NAALADL2: variants seen among roughly 807,000 people sequenced by gnomAD.
NAALADL2 encodes the protein inactive N-acetylated-alpha-linked acidic dipeptidase-like protein 2.
Under a neutral mutation model 87.2 loss-of-function variants are expected in NAALADL2, and 76 were observed. The ratio of observed to expected loss-of-function variants is 0.87; its 90% CI spans 0.72 to 1.05. The LOEUF (loss-of-function observed/expected upper bound fraction) is 1.05, where lower values mean the gene tolerates loss of function less well. Ranked by LOEUF, NAALADL2 falls within the 50% of genes least tolerant of loss-of-function variation. NAALADL2 has a pLI of 0.00. For synonymous variants in NAALADL2, 354 were observed against 331.0 expected (o/e 1.07, Z -0.75); for missense variants, 1,089 against 945.8 (o/e 1.15, Z -1.99).
chr3:175,267,657 G>A (rs559862337), intron 4 of NAALADL2, among the ~76,000 whole-genome samples: 1 of 152,240 alleles, frequency 6.6e-6, no homozygotes, highest in South Asian at 2.1e-4. Context: ...GGGGCAAAAA[G>A]AGGTACCTAG....
chr3:174,515,065 G>A (rs1719859116), intron 1 of NAALADL2, among the ~76,000 whole-genome samples: 2 of 152,108 alleles, frequency 1.3e-5, no homozygotes, highest in South Asian at 4.1e-4. Context: ...TTCTGAGGGA[G>A]CAATTATAGT....
At chr3:175,055,696 GC>G (rs1553761180) in intron 1 of NAALADL2, among the ~76,000 whole-genome samples, 4 of 152,158 alleles carry the variant, frequency 2.6e-5, no homozygotes, top group Non-Finnish European at 5.9e-5. Context: ...CATATTTCAG[GC>G]TCAGCGGTTT....
In NAALADL2 at chr3:175,558,194, C is replaced by CA. The variant is rs71164638; in HGVS notation, c.1654-17824dup. Among the ~76,000 whole-genome samples the CA allele has an allele frequency of 4.1e-3, 337 of 82,362 alleles. 2 individuals are homozygous for CA. The highest frequency in any genetic ancestry group is 0.012 in the African/African-American group (259 of 21,496). The allele number at this position is 82,362 out of a possible 152,430, so 54.0% of individuals were successfully genotyped here. On this transcript the variant is annotated intron_variant, in intron 9 of 13. Coordinates refer to ENST00000454872, the MANE Select transcript of NAALADL2 (RefSeq NM_207015.3). ...TGGGCAACACAGCAAGACCCCGTCTCAAAAAAAAAAAAAAAAAAAAAAAGA... is the reference window on the plus strand; with the variant it reads ...TGGGCAACACAGCAAGACCCCGTCTCAAAAAAAAAAAAAAAAAAAAAAAAGA...
intron 3 of NAALADL2, among the ~76,000 whole-genome samples, chr3:174,801,663 T>G (rs1318564325): frequency 6.6e-6 from 1 of 152,174 alleles, no homozygotes; most frequent in East Asian, 1.9e-4. Flanking sequence ...TGAGGAAGTT[T>G]CCTTCTATTC....
intron 1 of NAALADL2, among the ~76,000 whole-genome samples, chr3:174,921,804 C>CAA (rs546555666): frequency 1.2e-4 from 5 of 42,380 alleles, no homozygotes; most frequent in East Asian, 6.3e-4. Flanking sequence ...GACTCCGTCT[C>CAA]AAAAAAAAAA....
chr3:175,241,855 A>ATT (rs779567135), intron 3 of NAALADL2, among the ~76,000 whole-genome samples: 19 of 83,816 alleles, frequency 2.3e-4, no homozygotes, highest in African/African-American at 6.5e-4. Flanking sequence ...TGGATGCTGA[A>ATT]TTTTTTTTTT....
At chr3:175,623,792 A>G (rs894683603) in intron 10 of NAALADL2, among the ~76,000 whole-genome samples, 1 of 152,060 alleles carries the variant, frequency 6.6e-6, no homozygotes, top group East Asian at 1.9e-4. Flanking sequence ...CAATATGGAC[A>G]GCAAAACAAA....
intron 3 of NAALADL2, among the ~76,000 whole-genome samples, chr3:174,815,172 G>C (rs1171643742): frequency 1.3e-5 from 2 of 152,110 alleles, no homozygotes; most frequent in East Asian, 3.9e-4. Context: ...ATGAAGTTTT[G>C]ATGATGTATT....
At chr3:175,469,352 A>G (rs1195248549) in intron 8 of NAALADL2, among the ~76,000 whole-genome samples, 3 of 152,076 alleles carry the variant, frequency 2.0e-5, no homozygotes, top group Non-Finnish European at 4.4e-5. Context: ...AGTTTATGTT[A>G]GACTGAAACT....
chr3:175,344,832 A>G (rs1762958048), intron 5 of NAALADL2, among the ~76,000 whole-genome samples: 1 of 152,194 alleles, frequency 6.6e-6, no homozygotes, highest in African/African-American at 2.4e-5. Flanking sequence ...CATTAGAAAT[A>G]AAATACTTTT....
intron 5 of NAALADL2, among the ~76,000 whole-genome samples, chr3:175,407,025 A>G (rs549314327): frequency 2.0e-5 from 3 of 152,166 alleles, no homozygotes; most frequent in Admixed American, 1.3e-4. Context: ...TACTAAAAAT[A>G]GAAAAAAAAT....
chr3:175,576,471 A>G (rs146473464), intron 10 of NAALADL2, among the ~76,000 whole-genome samples: 1 of 152,366 alleles, frequency 6.6e-6, no homozygotes, highest in East Asian at 1.9e-4. Context: ...TAACATCAAA[A>G]CATAATTGTA....
chr3:175,687,465 A>G (rs1342949974), intron 11 of NAALADL2, among the ~76,000 whole-genome samples: 1 of 152,184 alleles, frequency 6.6e-6, no homozygotes, highest in Non-Finnish European at 1.5e-5. Context: ...TACCTCTAGC[A>G]GTTTACATAA....
intron 12 of NAALADL2, among the ~76,000 whole-genome samples, chr3:175,737,833 A>T (rs1228187005): frequency 7.0e-6 from 1 of 143,734 alleles, no homozygotes; most frequent in Non-Finnish European, 1.5e-5. Flanking sequence ...GCCCCATTCC[A>T]TTTGACTGAG....
At chr3:174,780,812 C>G (rs752068641) in intron 3 of NAALADL2, among the ~76,000 whole-genome samples, 1 of 151,912 alleles carries the variant, frequency 6.6e-6, no homozygotes, top group Non-Finnish European at 1.5e-5. Context: ...TGAATTTGAT[C>G]CTGTCATTAT....
intron 2 of NAALADL2, among the ~76,000 whole-genome samples, chr3:174,551,534 G>A (rs1712128038): frequency 6.6e-6 from 1 of 152,158 alleles, no homozygotes; most frequent in African/African-American, 2.4e-5. Context: ...TTACTAAAAG[G>A]CATGTTTCAG....
chr3:175,190,529 A>C (rs1223272590), intron 2 of NAALADL2, among the ~76,000 whole-genome samples: 1 of 152,146 alleles, frequency 6.6e-6, no homozygotes, highest in Non-Finnish European at 1.5e-5. Context: ...CTATTATCTA[A>C]AAGTCAAGAG....
intron 1 of NAALADL2, among the ~76,000 whole-genome samples, chr3:174,499,905 C>T (rs1055979967): frequency 6.6e-6 from 1 of 151,882 alleles, no homozygotes; most frequent in Non-Finnish European, 1.5e-5. Flanking sequence ...TTTGGCTAGT[C>T]TAGGTTATTT....
At chr3:175,243,117 A>G (rs562083041) in intron 3 of NAALADL2, among the ~76,000 whole-genome samples, 9 of 148,616 alleles carry the variant, frequency 6.1e-5, no homozygotes, top group South Asian at 2.1e-4. Context: ...ACTATACTCA[A>G]TTTTCTAATA....
Sources: allele counts gnomAD v4.1 joint callset (sites outside exome capture counted in the v4.1 genomes callset), GRCh38; gene constraint gnomAD v4.1.1; transcripts MANE v1.5; gene names NCBI Gene and HGNC (gene_info 2026-07-23, HGNC 2026-07-21).